The following CHRM3 variants were observed in gnomAD, a reference collection of about 807,000 sequenced individuals.
CHRM3 encodes cholinergic receptor muscarinic 3.
In CHRM3, 11 loss-of-function variants were observed where a neutral mutation model predicts 41.8. That is an observed-to-expected ratio of 0.26 (90% confidence interval 0.17 to 0.44). CHRM3 has a LOEUF of 0.44. Ranked by LOEUF, CHRM3 falls within the 20% of genes least tolerant of loss-of-function variation. The pLI is 1.00. For synonymous variants in CHRM3, 297 were observed against 301.4 expected (o/e 0.99, Z 0.15); for missense variants, 571 against 745.4 (o/e 0.77, Z 2.72).
rs545161828 is a variant in CHRM3, at chr1:239,565,914, T to C, written c.-313+20165T>C. Among the ~76,000 whole-genome samples, 48 of 146,800 alleles carry C rather than the reference T, an allele frequency of 3.3e-4. 1 individual carries two copies. The highest frequency in any genetic ancestry group is 1.2e-3 in the Admixed American group (17 of 14,756). On this transcript the variant is annotated intron_variant, in intron 3 of 6. Coordinates refer to ENST00000676153, the MANE Select transcript of CHRM3 (RefSeq NM_001375978.1). ...TTCACTGAAAGCATCTTTTTTCTTT[T>C]TTTTTTTTTTTTTTTTTGAGACAGG...
intron 2 of CHRM3, among the ~76,000 whole-genome samples, chr1:239,498,701 C>T (rs1245952224): frequency 6.6e-6 from 1 of 152,132 alleles, no homozygotes; most frequent in East Asian, 1.9e-4. Flanking sequence ...AGGTGTCTGG[C>T]AAAGCCTGAT....
intron 6 of CHRM3, among the ~76,000 whole-genome samples, chr1:239,874,303 A>G (rs1403305427): frequency 3.2e-5 from 4 of 123,996 alleles, no homozygotes; most frequent in African/African-American, 1.5e-4. Context: ...ATATATATAT[A>G]TATATATATA....
intron 4 of CHRM3, among the ~76,000 whole-genome samples, chr1:239,636,399 G>A (rs1200151887): frequency 6.6e-6 from 1 of 152,168 alleles, no homozygotes; most frequent in Admixed American, 6.6e-5. Flanking sequence ...AGTTTATTCT[G>A]TCTTCAAGGG....
chr1:239,551,319 C>T (rs190677493), intron 3 of CHRM3, among the ~76,000 whole-genome samples: 14 of 151,506 alleles, frequency 9.2e-5, no homozygotes, highest in Admixed American at 3.9e-4. Flanking sequence ...TGCACCACCA[C>T]GCCTGGCTAA....
At chr1:239,726,422 A>G (rs942064435) in intron 5 of CHRM3, among the ~76,000 whole-genome samples, 4 of 151,908 alleles carry the variant, frequency 2.6e-5, no homozygotes, top group Non-Finnish European at 5.9e-5. Context: ...TTTTTCCGCC[A>G]TATTTTCTTA....
rs1231529108 is a variant in CHRM3, at chr1:239,910,595, A to G, written c.*1371A>G. On this transcript the variant is annotated 3_prime_UTR_variant, in exon 7 of 7. Coordinates refer to ENST00000676153, the MANE Select transcript of CHRM3 (RefSeq NM_001375978.1). ...TCCTTACCTTTTGGGAAAAAAAAAA[A>G]ATTGTTTTTTTGCATTCTCCCTTGA... is the stretch of plus-strand genomic sequence containing the variant. 1.2e-5 allele frequency: 2 copies of G among 166,516 alleles called. No homozygotes were observed. The highest frequency in any genetic ancestry group is 2.9e-5 in the Non-Finnish European group (2 of 68,022). The allele number at this position is 166,516 out of a possible 1,614,324, so 10.3% of individuals were successfully genotyped here.
intron 5 of CHRM3, among the ~76,000 whole-genome samples, chr1:239,691,967 G>A (rs981011106): frequency 6.6e-6 from 1 of 152,122 alleles, no homozygotes; most frequent in Non-Finnish European, 1.5e-5. Context: ...GAGACCCCAG[G>A]GGATGATCTC....
chr1:239,580,014 C>A (rs959069378), intron 3 of CHRM3, among the ~76,000 whole-genome samples: 3 of 152,106 alleles, frequency 2.0e-5, no homozygotes, highest in Non-Finnish European at 2.9e-5. Flanking sequence ...ACCACTATGC[C>A]AGACTGCCTC....
Position 239,580,257 on chromosome 1 carries a change from G to A in CHRM3, c.-313+34508G>A, listed in dbSNP as rs978881636. 1.6e-4 allele frequency among the ~76,000 whole-genome samples: 8 copies of A among 50,722 alleles called. No homozygotes were observed. The Middle Eastern group carries it at 0.051, about 325-fold the overall frequency. 33.3% of individuals were successfully genotyped at this position (50,722 alleles called of 152,430 possible). ...CTGTACTACCTGGAAAATACACACT[G>A]TCACACACACACACACACACACACA... On this transcript the variant is annotated intron_variant, in intron 3 of 6. Coordinates refer to ENST00000676153, the MANE Select transcript of CHRM3 (RefSeq NM_001375978.1).
chr1:239,844,584 C>T (rs1674109833), intron 6 of CHRM3, among the ~76,000 whole-genome samples: 1 of 152,072 alleles, frequency 6.6e-6, no homozygotes, highest in Non-Finnish European at 1.5e-5. Flanking sequence ...ATTTCCCGAG[C>T]GTTAGAGCTA....
At chr1:239,582,157 G>A (rs879325482) in intron 3 of CHRM3, among the ~76,000 whole-genome samples, 1 of 151,980 alleles carries the variant, frequency 6.6e-6, no homozygotes, top group Non-Finnish European at 1.5e-5. Flanking sequence ...GATCCTATTG[G>A]GTAATACAAA....
intron 5 of CHRM3, chr1:239,707,461 A>C (rs185081124): frequency 9.1e-4 from 139 of 152,320 alleles, no homozygotes; most frequent in African/African-American, 2.9e-3. Flanking sequence ...GTCATTTTGC[A>C]AACCTCAATG....
At chr1:239,716,553 C>T (rs568687412) in intron 5 of CHRM3, among the ~76,000 whole-genome samples, 2 of 152,132 alleles carry the variant, frequency 1.3e-5, no homozygotes, top group South Asian at 4.2e-4. Context: ...ACTGGGACTC[C>T]AGCCATTCAC....
intron 1 of CHRM3, among the ~76,000 whole-genome samples, chr1:239,396,486 G>A (rs1659490619): frequency 6.6e-6 from 1 of 152,020 alleles, no homozygotes; most frequent in South Asian, 2.1e-4. Context: ...TTGTGCACCT[G>A]CCTGTAGTCT....
intron 5 of CHRM3, among the ~76,000 whole-genome samples, chr1:239,776,254 TTTTCTCATC>T (rs1668074212): frequency 6.6e-6 from 1 of 152,160 alleles, no homozygotes; most frequent in Admixed American, 6.5e-5. Flanking sequence ...TGTGCCTCAG[TTTTCTCATC>T]TGTATATGGG....
intron 5 of CHRM3, among the ~76,000 whole-genome samples, chr1:239,759,168 TGTTTTTTTTTTTTG>T (rs1558518443): frequency 2.9e-5 from 4 of 136,714 alleles, no homozygotes; most frequent in African/African-American, 1.2e-4. Context: ...TTTTTTTTTT[TGTTTTTTTTTTTTG>T]TTTTTTTTTT....
At chr1:239,645,279 T>A (rs2148943238) in intron 4 of CHRM3, among the ~76,000 whole-genome samples, 1 of 152,314 alleles carries the variant, frequency 6.6e-6, no homozygotes, top group African/African-American at 2.4e-5. Flanking sequence ...GGGTACTGGC[T>A]TCTCTCTTGA....
intron 4 of CHRM3, among the ~76,000 whole-genome samples, chr1:239,638,499 T>G (rs1352306435): frequency 1.3e-5 from 2 of 152,240 alleles, no homozygotes; most frequent in Non-Finnish European, 2.9e-5. Flanking sequence ...TGATTTGCAT[T>G]TCTCTGATGG....
intron 5 of CHRM3, among the ~76,000 whole-genome samples, chr1:239,781,703 G>A (rs1403919690): frequency 1.3e-5 from 2 of 152,120 alleles, no homozygotes; most frequent in Non-Finnish European, 2.9e-5. Context: ...CATGATATTA[G>A]TGGGAAAGCT....
Sources: allele counts gnomAD v4.1 joint callset (sites outside exome capture counted in the v4.1 genomes callset), GRCh38; gene constraint gnomAD v4.1.1; transcripts MANE v1.5; gene names NCBI Gene and HGNC (gene_info 2026-07-23, HGNC 2026-07-21).